INSRR: variants seen among roughly 807,000 people sequenced by gnomAD.
The protein encoded by INSRR is insulin receptor related receptor, also known as insulin receptor-related protein.
Under a neutral mutation model 130.0 loss-of-function variants are expected in INSRR, and 114 were observed. That is an observed-to-expected ratio of 0.88 (90% CI 0.75 to 1.02). The LOEUF (loss-of-function observed/expected upper bound fraction) is 1.02. Ranked by LOEUF, INSRR falls within the 50% of genes least tolerant of loss-of-function variation. INSRR has a pLI of 0.00. For synonymous variants in INSRR, 674 were observed against 705.2 expected (o/e 0.96, Z 0.70); for missense variants, 1,657 against 1,735.2 (o/e 0.95, Z 0.80).
At chr1:156,855,117 C>G (rs1004677349) in intron 1 of INSRR, among the ~76,000 whole-genome samples, 17 of 152,168 alleles carry the variant, frequency 1.1e-4, no homozygotes, top group African/African-American at 4.1e-4. Context: ...GGCTTGCCCA[C>G]CTCCTTAAGT....
rs759466951 is a variant in INSRR, at chr1:156,842,446, G to A, written c.3189C>T (p.Thr1063=). Residue 1063 remains threonine, a synonymous_variant, in exon 18 of 22, where the codon ACC becomes ACT. Coordinates refer to ENST00000368195, the MANE Select transcript of INSRR (RefSeq NM_014215.3). ...GAAGATGGCTCTTGAGGTCCCCACG[G>A]GTCATTAACTCCATGATGACCAGAG... ...QPTLVIMELM[T]RGDLKSHLRS... 6.2e-7 allele frequency: 1 copy of A among 1,613,994 alleles called. No homozygotes were observed. Among genetic ancestry groups the A allele is most frequent in the East Asian group, 2.2e-5 (1 of 44,856 alleles).
At chr1:156,858,433 C>T (rs1435139654) in intron 1 of INSRR, 104 bp downstream of exon 1, 3 of 834,964 alleles carry the variant, frequency 3.6e-6, no homozygotes, top group Non-Finnish European at 6.3e-6. Context: ...CCCCATGTTC[C>T]AGTGCAGAGT....
intron 1 of INSRR, among the ~76,000 whole-genome samples, chr1:156,857,301 A>C (rs958245822): frequency 3.3e-5 from 5 of 152,142 alleles, no homozygotes; most frequent in African/African-American, 1.2e-4. Flanking sequence ...AAAGCCAATC[A>C]GGCTCTGCGA....
chr1:156,845,510 C>T (rs1456011788), intron 10 of INSRR, 97 bp from the exon 11 acceptor site: 2 of 1,484,844 alleles, frequency 1.3e-6, no homozygotes, highest in African/African-American at 2.8e-5. Context: ...CAACCCGGGA[C>T]CCGCCCACAC....
In INSRR at chr1:156,851,929, G is replaced by C. The variant is rs1655225572; in HGVS notation, c.900C>G (p.Cys300Trp). 1.9e-6 allele frequency: 3 copies of C among 1,598,818 alleles called. No homozygotes were observed. The highest frequency in any genetic ancestry group is 2.6e-6 in the Non-Finnish European group (3 of 1,168,828). ...TGAAGCCAGAAGGGCACTGGGCCAG[G>C]CAACTGCCCTGGTGTATGCCGAAGG... ...ASTFGIHQGS[C>W]LAQCPSGFTR... Residue 300 changes from cysteine (C) to tryptophan (W), a missense_variant, in exon 3 of 22, where the codon TGC becomes TGG. Transcript: ENST00000368195.
chr1:156,845,436 T>C (rs972795909), intron 10 of INSRR, 23 bp from the exon 11 acceptor site: 2 of 1,534,114 alleles, frequency 1.3e-6, no homozygotes, highest in African/African-American at 2.8e-5. Context: ...GGAGTAGCCC[T>C]ATCAGGCCTG....
In INSRR at chr1:156,849,254, C is replaced by T. The variant is rs1240350410; in HGVS notation, c.1436G>A (p.Arg479His). 5.6e-6 allele frequency: 9 copies of T among 1,613,658 alleles called. No individual in the cohort carries two copies. Among genetic ancestry groups the T allele is most frequent in the Non-Finnish European group, 7.6e-6 (9 of 1,180,010 alleles). Residue 479 changes from arginine (R) to histidine (H), a missense_variant, in exon 6 of 22, where the codon CGC becomes CAC. Physicochemically the swap from Arg to His is conservative, Grantham distance 29 (BLOSUM62 0). Coordinates refer to ENST00000368195, the MANE Select transcript of INSRR (RefSeq NM_014215.3). ...TGGGGTTGGGGTCTCACAGGCGGCG[C>T]GGTCTCCGTTGGTGCGGGGGTTGAT... ...AEINPRTNGD[R>H]AACQTRTLRF...
At chr1:156,855,155 G>T (rs545699088) in intron 1 of INSRR, among the ~76,000 whole-genome samples, 53 of 107,182 alleles carry the variant, frequency 4.9e-4, no homozygotes, top group African/African-American at 1.7e-3. Context: ...TCTCAATGAG[G>T]CCTTCTCTGA....
chr1:156,858,169 C>G (rs1655476996), intron 1 of INSRR, among the ~76,000 whole-genome samples: 2 of 152,188 alleles, frequency 1.3e-5, no homozygotes, highest in African/African-American at 4.8e-5. Flanking sequence ...GTGCCTGGTT[C>G]TCAGCTACCT....
chr1:156,849,513 G>GGGGGGGGGGGGGGGGGGGGGGGGGGA, intron 5 of INSRR, 53 bp from the exon 6 acceptor site: 1 of 486,122 alleles, frequency 2.1e-6, no homozygotes, highest in Non-Finnish European at 4.1e-6. Flanking sequence ...CAGGGGGTGG[G>GGGGGGGGGGGGGGGGGGGGGGGGGGA]AAAGGGGATG....
chr1:156,841,150 C>A, intron 21 of INSRR, 46 bp from the exon 22 acceptor site: 1 of 1,427,332 alleles, frequency 7.0e-7, no homozygotes, highest in South Asian at 1.2e-5. Context: ...GGAGCCCCTG[C>A]CACGCTCTCA....
At chr1:156,851,083 T>C in intron 5 of INSRR, 10 of 653,750 alleles carry the variant, frequency 1.5e-5, no homozygotes, top group Admixed American at 2.3e-5. Flanking sequence ...TTGAGTAATA[T>C]TCAAAACAGT....
Position 156,858,566 on chromosome 1 carries a change from G to C in INSRR, c.56C>G (p.Ser19Cys). ...TACTGTATCCAGGCCAAATCCCAAG[G>C]AGAGGAAGATCACAGGCAGGCATGC... The part of the protein sequence containing the change: ...WGACLPVIFL[S>C]LGFGLDTVEV... Residue 19 changes from serine to cysteine, a missense_variant, in exon 1 of 22, where the codon TCC becomes TGC. By Grantham distance (112) the Ser-to-Cys change is moderately radical. Coordinates refer to ENST00000368195, the MANE Select transcript of INSRR (RefSeq NM_014215.3). 1 of 1,614,044 alleles carries C rather than the reference G, an allele frequency of 6.2e-7. No homozygotes were observed. Among genetic ancestry groups the C allele is most frequent in the South Asian group, 1.1e-5 (1 of 91,076 alleles).
chr1:156,842,118 T>C lies in INSRR; in HGVS notation c.3391A>G (p.Ile1131Val). The part of the protein sequence containing the change: ...CMVSQDFTVK[I>V]GDFGMTRDVY... ...TGCCTGGCACCCTCTGTACCCCCGA[T>C]CTTGACGGTGAAGTCCTGGGACACC... The change falls in exon 19 of 22, where the codon ATC becomes GTC. Residue 1131 changes from isoleucine to valine, a missense_variant. Coordinates refer to ENST00000368195, the MANE Select transcript of INSRR (RefSeq NM_014215.3). 1 of 1,613,894 alleles carries C rather than the reference T, an allele frequency of 6.2e-7. No individual in the cohort carries two copies. The highest frequency in any genetic ancestry group is 8.5e-7 in the Non-Finnish European group (1 of 1,179,988).
At chr1:156,847,102 C>T (rs1030657884) in intron 7 of INSRR, among the ~76,000 whole-genome samples, 5 of 152,158 alleles carry the variant, frequency 3.3e-5, no homozygotes, top group South Asian at 2.1e-4. Context: ...TAAGGTTATC[C>T]TAATTCCCCT....
In INSRR at chr1:156,851,780, C is replaced by A; in HGVS notation, c.950G>T (p.Cys317Phe). 6.2e-7 allele frequency: 1 copy of A among 1,609,376 alleles called. No homozygotes were observed. Among genetic ancestry groups the A allele is most frequent in the Non-Finnish European group, 8.5e-7 (1 of 1,176,432 alleles). The change falls in exon 4 of 22, where the codon TGC becomes TTC. Residue 317 changes from cysteine (C) to phenylalanine (F), a missense_variant. By Grantham distance (205) the Cys-to-Phe change is radical (BLOSUM62 -2). Transcript: ENST00000368195. Reference sequence around the variant, plus strand: ...AGGGCACAGCCCCTCGCACTTGTGGCAGAATATGCTAGCAGGAGCAAGCAG... The same window carrying A: ...AGGGCACAGCCCCTCGCACTTGTGGAAGAATATGCTAGCAGGAGCAAGCAG... ...GFTRNSSSIF[C>F]HKCEGLCPKE...
Position 156,853,760 on chromosome 1 carries a change from C to T in INSRR, c.629G>A (p.Cys210Tyr), listed in dbSNP as rs1202650131. 1 of 1,598,074 alleles carries T rather than the reference C, an allele frequency of 6.3e-7. No individual in the cohort carries two copies. Among genetic ancestry groups the T allele is most frequent in the East Asian group, 2.3e-5 (1 of 44,444 alleles). ...TCTGTGCCAGTGCCCACCTCTCTGG[C>T]AGTGGCTGGAGGTCCAGCATCTGTA... ...TDYRCWTSSH[C>Y]QRVCPCPHGM... The change falls in exon 2 of 22, where the codon TGC becomes TAC. Residue 210 changes from cysteine (C) to tyrosine (Y), a missense_variant. Physicochemically the swap from Cys to Tyr is radical, Grantham distance 194. Coordinates refer to ENST00000368195, the MANE Select transcript of INSRR (RefSeq NM_014215.3).
In INSRR at chr1:156,854,165, C is replaced by G. The variant is rs139920561; in HGVS notation, c.224G>C (p.Arg75Pro). Residue 75 changes from arginine (R) to proline (P), a missense_variant, in exon 2 of 22, where the codon CGC (arginine) becomes CCC (proline). By Grantham distance (103) the Arg-to-Pro change is moderately radical. Coordinates refer to ENST00000368195, the MANE Select transcript of INSRR (RefSeq NM_014215.3). The surrounding 1 kb of genome is among the most constrained non-coding windows in gnomAD (Gnocchi z 4.2). ...GEDFRGLSFP[R>P]LTQVTDYLLL... ...CAGGTAGTCGGTGACCTGGGTGAGG[C>G]GAGGGAAGCTGAGGCCGCGGAAGTC... The G allele has an allele frequency of 5.0e-6, 8 of 1,614,106 alleles. No homozygotes were observed. Among genetic ancestry groups the G allele is most frequent in the Non-Finnish European group, 6.8e-6 (8 of 1,180,024 alleles).
chr1:156,855,176 T>TTATCTATCTGTC (rs1655363444), intron 1 of INSRR, among the ~76,000 whole-genome samples: 1 of 143,462 alleles, frequency 7.0e-6, no homozygotes, highest in African/African-American at 2.6e-5. Flanking sequence ...CCATCCAATT[T>TTATCTATCTGTC]TATCTATCTA....
Sources: gnomAD v4.1 joint callset for allele counts (sites outside exome capture counted in the v4.1 genomes callset) on GRCh38, gnomAD v4.1.1 for gene constraint, Gnocchi (gnomAD v3.1) non-coding constraint, MANE v1.5 for transcripts, NCBI Gene and HGNC (gene_info 2026-07-23, HGNC 2026-07-21) for gene names.